TMEM163: variants seen among roughly 807,000 people sequenced by gnomAD.
TMEM163 encodes transmembrane protein 163.
A neutral mutation model predicts 29.3 loss-of-function variants in TMEM163; 17 were observed. That is an observed-to-expected ratio of 0.58 (90% CI 0.40 to 0.87). The LOEUF is 0.87. TMEM163 is among the 40% of genes least tolerant of loss of function. TMEM163 has a pLI of 0.00. For synonymous variants in TMEM163, 157 were observed against 160.6 expected, an observed-to-expected ratio of 0.98 and a Z score of 0.17; for missense variants, 303 against 381.5, an observed-to-expected ratio of 0.79 and a Z score of 1.71.
chr2:134,701,734 A>T (rs759130430), intron 2 of TMEM163, among the ~76,000 whole-genome samples: 5 of 152,006 alleles, frequency 3.3e-5, no homozygotes, highest in African/African-American at 4.8e-5. Flanking sequence ...TCTGGCCAAC[A>T]CGGTAAAACC....
chr2:134,604,427 C>T (rs1260611525), intron 2 of TMEM163, among the ~76,000 whole-genome samples: 1 of 116,530 alleles, frequency 8.6e-6, no homozygotes, highest in Admixed American at 8.4e-5. Context: ...ATAACCTTAG[C>T]TTTTACTGGA....
chr2:134,718,413 C>CA lies in TMEM163; in HGVS notation c.202+320dup, dbSNP rs151166344. On this transcript the variant is annotated intron_variant, in intron 1 of 7. Coordinates refer to ENST00000281924, the MANE Select transcript of TMEM163 (RefSeq NM_030923.5). ...GCCCAGAAGCGCTCGACTCCGAACG[C>CA]AAAAAATGCCTCCCGCAAACTTTTC... is the stretch of plus-strand genomic sequence containing the variant. 3.2e-3 allele frequency among the ~76,000 whole-genome samples: 491 copies of CA among 152,320 alleles called. 7 individuals are homozygous for CA. The East Asian group carries it at 0.038, about 12-fold the overall frequency.
chr2:134,707,897 C>CT lies in TMEM163; in HGVS notation c.322+5302dup, dbSNP rs35922959. Among the ~76,000 whole-genome samples, 1,049 of 133,618 alleles carry CT rather than the reference C, an allele frequency of 7.9e-3. 17 individuals carry two copies. The highest frequency in any genetic ancestry group is 0.027 in the South Asian group (113 of 4,156). 87.7% of individuals were successfully genotyped at this position (133,618 alleles called of 152,430 possible). A position where few individuals can be genotyped will look rare whatever the true frequency, so the allele number is the denominator to read the frequency against. On this transcript the variant is annotated intron_variant, in intron 2 of 7. Transcript: ENST00000281924. The stretch of plus-strand genomic sequence containing the variant: ...GGGCAAAAGTCAGGGCAGACCAGAA[C>CT]TTTTTTTTTTTTTTTTTTTGAGACA...
intron 2 of TMEM163, among the ~76,000 whole-genome samples, chr2:134,694,929 C>T (rs1476870018): frequency 6.6e-6 from 1 of 152,102 alleles, no homozygotes; most frequent in African/African-American, 2.4e-5. Context: ...AAAAGAAATA[C>T]AAACTCCACG....
rs138077230 is a variant in TMEM163, at chr2:134,575,803, G to A, written c.323-23712C>T. 9.7e-4 allele frequency among the ~76,000 whole-genome samples: 147 copies of A among 152,186 alleles called. 1 individual carries two copies. The highest frequency in any genetic ancestry group is 3.3e-3 in the African/African-American group (138 of 41,534). ...TAGGCAGATTTCAGCAGGTGCGTGG[G>A]AGCAGGTGGCATTTATGAGAGAACA... is the stretch of plus-strand genomic sequence containing the variant. On this transcript the variant is annotated intron_variant, in intron 2 of 7. Coordinates refer to ENST00000281924, the MANE Select transcript of TMEM163 (RefSeq NM_030923.5).
intron 2 of TMEM163, among the ~76,000 whole-genome samples, chr2:134,598,446 A>C (rs1300752426): frequency 6.6e-6 from 1 of 152,238 alleles, no homozygotes; most frequent in Non-Finnish European, 1.5e-5. Flanking sequence ...TGAGGTATAT[A>C]TGATCATTGG....
chr2:134,469,654 C>T (rs1686750024), intron 5 of TMEM163: 1 of 151,772 alleles, frequency 6.6e-6, no homozygotes, highest in Non-Finnish European at 1.5e-5. Flanking sequence ...GCTCCACGGG[C>T]TCGCCCAGGG....
rs149525038 is a variant in TMEM163 at position 134,644,458 on chromosome 2, A to C, written c.322+68742T>G. ...CAAAAACACCCGCAGAAATATGGCC[A>C]TATGATTCCTTTCACAGATACTAAT... is the stretch of plus-strand genomic sequence containing the variant. On this transcript the variant is annotated intron_variant, in intron 2 of 7. Transcript: ENST00000281924. 5.3e-3 allele frequency among the ~76,000 whole-genome samples: 806 copies of C among 152,308 alleles called. 6 individuals carry two copies. The highest frequency in any genetic ancestry group is 0.017 in the African/African-American group (702 of 41,590).
intron 2 of TMEM163, among the ~76,000 whole-genome samples, chr2:134,676,149 T>C (rs1367579340): frequency 1.3e-5 from 2 of 152,188 alleles, no homozygotes; most frequent in Non-Finnish European, 2.9e-5. Context: ...ACTTGCAGCA[T>C]TTGCCAATTT....
intron 5 of TMEM163, among the ~76,000 whole-genome samples, chr2:134,470,550 C>CAATT (rs1234866082): frequency 6.6e-6 from 1 of 152,178 alleles, no homozygotes; most frequent in Non-Finnish European, 1.5e-5. Context: ...TCTGAGAGAG[C>CAATT]AATTACCTTT....
intron 2 of TMEM163, among the ~76,000 whole-genome samples, chr2:134,696,118 T>C (rs1684576232): frequency 6.6e-6 from 1 of 152,134 alleles, no homozygotes; most frequent in South Asian, 2.1e-4. Flanking sequence ...ACATGGAATT[T>C]ATATTTGTAT....
In TMEM163 at chr2:134,609,959, AG is replaced by A. The variant is rs1193357693; in HGVS notation, c.323-57869del. 2.0e-5 allele frequency among the ~76,000 whole-genome samples: 3 copies of A among 152,164 alleles called. No homozygotes were observed. In the East Asian group the frequency reaches 5.8e-4, roughly 29 times the overall value. ...TGAGGAAAGGTTTTACGAGGCCTAC[AG>A]GGGAAGGGGAGGAGAAAGCAGAGAG... On this transcript the variant is annotated intron_variant, in intron 2 of 7. Transcript: ENST00000281924.
intron 5 of TMEM163, among the ~76,000 whole-genome samples, chr2:134,493,606 A>G (rs1158407079): frequency 6.6e-6 from 1 of 152,058 alleles, no homozygotes; most frequent in African/African-American, 2.4e-5. Context: ...TCCTGACCTC[A>G]GGCGATCTGC....
intron 2 of TMEM163, among the ~76,000 whole-genome samples, chr2:134,620,816 A>G (rs1041658317): frequency 2.0e-5 from 3 of 152,208 alleles, no homozygotes; most frequent in African/African-American, 7.2e-5. Context: ...CATATAATAT[A>G]CAAGAACTGA....
chr2:134,481,499 G>A lies in TMEM163; in HGVS notation c.556-15274C>T, dbSNP rs141573646. On this transcript the variant is annotated intron_variant, in intron 5 of 7. Coordinates refer to ENST00000281924, the MANE Select transcript of TMEM163 (RefSeq NM_030923.5). ...TCTCTTATCTGCTGCAATGTGAGGC[G>A]TGCCTTTCACCTTCCACCATGATTG... Among the ~76,000 whole-genome samples the A allele has an allele frequency of 7.9e-3, 1,204 of 152,156 alleles. 8 individuals are homozygous for A. Among genetic ancestry groups the A allele is most frequent in the African/African-American group, 0.022 (927 of 41,516 alleles).
chr2:134,663,880 T>G lies in TMEM163; in HGVS notation c.322+49320A>C, dbSNP rs150168811. On this transcript the variant is annotated intron_variant, in intron 2 of 7. Coordinates refer to ENST00000281924, the MANE Select transcript of TMEM163 (RefSeq NM_030923.5). ...GCTCCAAAAGCTACCACTGAAGCCT[T>G]GACAGTAGGAAGCTGTCTCCACAAT... is the stretch of plus-strand genomic sequence containing the variant. Among the ~76,000 whole-genome samples, 27 of 152,336 alleles carry G rather than the reference T, an allele frequency of 1.8e-4. 2 individuals are homozygous for G. The highest frequency in any genetic ancestry group is 6.0e-4 in the African/African-American group (25 of 41,572).
intron 2 of TMEM163, among the ~76,000 whole-genome samples, chr2:134,641,199 T>C (rs1028024347): frequency 1.3e-5 from 2 of 152,220 alleles, no homozygotes; most frequent in African/African-American, 4.8e-5. Flanking sequence ...ATATGGTCAA[T>C]TGATTTTCAA....
intron 2 of TMEM163, among the ~76,000 whole-genome samples, chr2:134,577,962 A>G (rs1178603944): frequency 6.6e-6 from 1 of 152,164 alleles, no homozygotes; most frequent in Non-Finnish European, 1.5e-5. Flanking sequence ...GCAAAATACT[A>G]TCCCATTTCA....
At chr2:134,551,926 AAT>A (rs1256162190) in intron 3 of TMEM163, 120 bp downstream of exon 3, 1 of 742,890 alleles carries the variant, frequency 1.3e-6, no homozygotes, top group African/African-American at 1.8e-5. Flanking sequence ...GTTTCCATAA[AAT>A]ATGTTTCTCA....
Sources: allele counts gnomAD v4.1 joint callset (sites outside exome capture counted in the v4.1 genomes callset), GRCh38; gene constraint gnomAD v4.1.1; transcripts MANE v1.5; gene names NCBI Gene and HGNC (gene_info 2026-07-23, HGNC 2026-07-21).